Variants in DNM2 observed in about 807,000 individuals in gnomAD.
The protein encoded by DNM2 is dynamin-2.
In DNM2, 15 loss-of-function variants were observed where a neutral mutation model predicts 99.0. The ratio of observed to expected loss-of-function variants is 0.15; its 90% CI spans 0.10 to 0.23. The LOEUF is 0.23. DNM2 is among the 10% of genes least tolerant of loss of function. The pLI, the probability that DNM2 is intolerant of heterozygous loss-of-function variation, is 1.00. For synonymous variants in DNM2, 525 were observed against 481.2 expected (o/e 1.09, Z -1.19); for missense variants, 742 against 1,189.4 (o/e 0.62, Z 5.53).
chr19:10,731,644 G>C (rs1033192157), intron 1 of DNM2, among the ~76,000 whole-genome samples: 68 of 152,310 alleles, frequency 4.5e-4, no homozygotes, highest in African/African-American at 1.6e-3. Context: ...GTGAGCCGCC[G>C]TGCCCGGCCC....
chr19:10,792,825 C>T (rs1486149563), intron 7 of DNM2, among the ~76,000 whole-genome samples: 1 of 152,090 alleles, frequency 6.6e-6, no homozygotes, highest in Non-Finnish European at 1.5e-5. Context: ...CCAGGCTAAT[C>T]TCAAACTCCT....
chr19:10,770,128 G>A (rs909375569), intron 2 of DNM2, among the ~76,000 whole-genome samples: 1 of 152,202 alleles, frequency 6.6e-6, no homozygotes, highest in East Asian at 1.9e-4. Flanking sequence ...GAGTGCCGTA[G>A]TTTCTTCGGT....
At chr19:10,784,567 C>G (rs753892823) in intron 6 of DNM2, among the ~76,000 whole-genome samples, 1 of 152,088 alleles carries the variant, frequency 6.6e-6, no homozygotes, top group African/African-American at 2.4e-5. Context: ...AGCAGCGCCC[C>G]TTCCTCTCCA....
intron 17 of DNM2, chr19:10,824,666 G>T: frequency 3.9e-6 from 1 of 259,422 alleles, no homozygotes; most frequent in Non-Finnish European, 7.6e-6. Flanking sequence ...ACCCAGGCAT[G>T]GTGGCGCACC....
Position 10,830,286 on chromosome 19 carries a change from C to A in DNM2, c.2451C>A (p.Ser817Arg), listed in dbSNP as rs751961437. The A allele has an allele frequency of 6.2e-7, 1 of 1,613,744 alleles. No homozygotes were observed. Among genetic ancestry groups the A allele is most frequent in the Non-Finnish European group, 8.5e-7 (1 of 1,179,948 alleles). ...TCCCATCCCGGCCTGGACCCCAGAG[C>A]GTGTTTGCCAACAGTGACCTCTTCC... ...PPIPSRPGPQ[S>R]VFANSDLFPA... The change falls in exon 20 of 21, where the codon AGC becomes AGA. Residue 817 changes from serine (S) to arginine (R), a missense_variant. Coordinates refer to ENST00000389253, the MANE Select transcript of DNM2 (RefSeq NM_001005361.3). This position sits in a 1 kb window ranked among gnomAD's most constrained non-coding sequence, Gnocchi z 4.8.
chr19:10,778,122 C>T (rs772679728), intron 5 of DNM2, among the ~76,000 whole-genome samples: 7 of 151,132 alleles, frequency 4.6e-5, no homozygotes, highest in Non-Finnish European at 8.8e-5. Flanking sequence ...GCAACCTCCA[C>T]CTCCCAGGTT....
chr19:10,803,447 C>A (rs550662700), intron 12 of DNM2, among the ~76,000 whole-genome samples: 1 of 152,190 alleles, frequency 6.6e-6, no homozygotes, highest in Non-Finnish European at 1.5e-5. Context: ...TGGCAGCCCC[C>A]GGCCCTGTGC....
intron 3 of DNM2, among the ~76,000 whole-genome samples, chr19:10,774,895 G>A (rs910389113): frequency 3.3e-5 from 5 of 151,166 alleles, no homozygotes; most frequent in Non-Finnish European, 7.4e-5. Flanking sequence ...TTAGTCTCCT[G>A]AGTAGTTAGG....
chr19:10,749,994 T>C (rs193198187), intron 1 of DNM2, among the ~76,000 whole-genome samples: 63 of 152,248 alleles, frequency 4.1e-4, no homozygotes, highest in Non-Finnish European at 6.0e-4. Flanking sequence ...GGGGTGGGGC[T>C]GGGGAACCCG....
intron 2 of DNM2, among the ~76,000 whole-genome samples, chr19:10,763,888 A>T (rs1026253934): frequency 5.3e-5 from 8 of 152,086 alleles, no homozygotes; most frequent in Admixed American, 5.2e-4. Flanking sequence ...AGTGGCAGAG[A>T]GGCTGGCATG....
chr19:10,735,259 C>A (rs992411126), intron 1 of DNM2, among the ~76,000 whole-genome samples: 2 of 151,890 alleles, frequency 1.3e-5, no homozygotes, highest in Non-Finnish European at 2.9e-5. Context: ...AGGATGGTCT[C>A]GATCTCCTGA....
intron 1 of DNM2, among the ~76,000 whole-genome samples, chr19:10,719,196 CCT>C (rs918984280): frequency 2.6e-5 from 4 of 152,162 alleles, no homozygotes; most frequent in African/African-American, 7.2e-5. Flanking sequence ...CATGACTACC[CCT>C]GAGTGTCTGG....
At chr19:10,761,384 T>C (rs912448166) in intron 2 of DNM2, among the ~76,000 whole-genome samples, 2 of 152,112 alleles carry the variant, frequency 1.3e-5, no homozygotes, top group African/African-American at 2.4e-5. Context: ...TTTCCTTCCC[T>C]GATCTCAGTG....
chr19:10,796,150 A>G lies in DNM2; in HGVS notation c.1196+711A>G. On this transcript the variant is annotated intron_variant, in intron 9 of 20. Transcript: ENST00000389253. This position sits in a 1 kb window ranked among gnomAD's most constrained non-coding sequence, Gnocchi z 5.6. ...AAAGAGCCCTGTCTGAAATGTGTCG[A>G]CCTGGTTATCCAGGAGCTAATCAAT... The G allele has an allele frequency of 6.2e-7, 1 of 1,614,148 alleles. No homozygotes were observed. Among genetic ancestry groups the G allele is most frequent in the Non-Finnish European group, 8.5e-7 (1 of 1,180,038 alleles).
At position 10,786,714 on chromosome 19, in the gene DNM2, C is replaced by T. The variant is rs776457890; in HGVS notation, c.992+8C>T. On this transcript the variant is annotated splice_region_variant and intron_variant, in intron 7 of 20. Coordinates refer to ENST00000389253, the MANE Select transcript of DNM2 (RefSeq NM_001005361.3). ...AACCAAAGCCCTGCTGCAGTATGTACCCCGGCACCCACCACCACCACCACC... is the reference window on the plus strand; with the variant it reads ...AACCAAAGCCCTGCTGCAGTATGTATCCCGGCACCCACCACCACCACCACC... 3 of 1,613,868 alleles carry T rather than the reference C, an allele frequency of 1.9e-6. No homozygotes were observed. In the Admixed American group the frequency reaches 5.0e-5, roughly 27 times the overall value.
intron 4 of DNM2, 51 bp from the exon 5 acceptor site, chr19:10,777,067 A>G (rs2071179713): frequency 1.3e-6 from 2 of 1,595,202 alleles, no homozygotes; most frequent in African/African-American, 1.3e-5. Flanking sequence ...CTGCCAGCTG[A>G]TGCTCTTTCC....
intron 2 of DNM2, among the ~76,000 whole-genome samples, chr19:10,761,838 T>C (rs2070645624): frequency 6.6e-6 from 1 of 152,150 alleles, no homozygotes; most frequent in East Asian, 1.9e-4. Context: ...CAGCAGCCGA[T>C]GGGCCCACCA....
At chr19:10,783,707 T>TTA (rs2071459756) in intron 6 of DNM2, among the ~76,000 whole-genome samples, 1 of 150,058 alleles carries the variant, frequency 6.7e-6, no homozygotes, top group Non-Finnish European at 1.5e-5. Flanking sequence ...TTATTATTAT[T>TTA]TTTTATTTTT....
intron 5 of DNM2, among the ~76,000 whole-genome samples, chr19:10,777,597 CCTTTTT>C (rs2071197176): frequency 1.3e-5 from 2 of 151,964 alleles, no homozygotes; most frequent in African/African-American, 4.8e-5. Context: ...TTTTCCTTTT[CCTTTTT>C]GTTTTTTGAG....
Sources: gnomAD v4.1 joint callset for allele counts (sites outside exome capture counted in the v4.1 genomes callset) on GRCh38, gnomAD v4.1.1 for gene constraint, Gnocchi (gnomAD v3.1) non-coding constraint, MANE v1.5 for transcripts, NCBI Gene and HGNC (gene_info 2026-07-23, HGNC 2026-07-21) for gene names.